PSD3: variants seen among roughly 807,000 people sequenced by gnomAD.
PSD3 encodes the protein pleckstrin and Sec7 domain containing 3, also known as PH and SEC7 domain-containing protein 3.
PSD3 carries 49 observed loss-of-function variants against 105.5 expected under a neutral mutation model. The ratio of observed to expected loss-of-function variants is 0.46; its 90% CI spans 0.37 to 0.59. PSD3 has a LOEUF of 0.59. Among genes scored for constraint, PSD3 ranks in the 20% least tolerant of loss-of-function variants. The probability of loss-of-function intolerance (pLI) is 0.00; values close to 1 mark genes in which losing one functional copy is unlikely to be tolerated. For missense variants in PSD3, 1,561 were observed against 1,263.8 expected, an observed-to-expected ratio of 1.24 and a Z score of -3.57; for synonymous variants, 557 against 457.8, an observed-to-expected ratio of 1.22 and a Z score of -2.77.
At chr8:18,609,971 A>T (rs1020732371) in intron 11 of PSD3, among the ~76,000 whole-genome samples, 1 of 152,222 alleles carries the variant, frequency 6.6e-6, no homozygotes, top group Non-Finnish European at 1.5e-5. Context: ...TCAGCAAGTG[A>T]CAGTATTAAT....
chr8:18,879,074 ACACACACACACACG>A (rs1586309201), intron 2 of PSD3, among the ~76,000 whole-genome samples: 4 of 150,026 alleles, frequency 2.7e-5, no homozygotes, highest in South Asian at 2.2e-4. Context: ...ACACACACAC[ACACACACACACACG>A]CACACACAAC....
chr8:18,762,005 G>A (rs1053593087), intron 9 of PSD3, among the ~76,000 whole-genome samples: 2 of 152,114 alleles, frequency 1.3e-5, no homozygotes, highest in Admixed American at 1.3e-4. Context: ...GAAAGAAGGG[G>A]CAGGAAATGC....
Position 18,529,345 on chromosome 8 carries a change from C to G in PSD3, c.*6398G>C, listed in dbSNP as rs13439489. The G allele has an allele frequency of 6.6e-6, 1 of 152,154 alleles. No homozygotes were observed. The highest frequency in any genetic ancestry group is 2.4e-5 in the African/African-American group (1 of 41,406). The allele number at this position is 152,154 out of a possible 1,614,324, so 9.4% of individuals were successfully genotyped here. On this transcript the variant is annotated 3_prime_UTR_variant, in exon 16 of 16. Transcript: ENST00000327040. The stretch of plus-strand genomic sequence containing the variant: ...AGTTTCCACCCCCTCTGTTCATCAC[C>G]TCTTTAGAATATTCTGGCTCTTTGC...
At chr8:19,066,140 C>G (rs1254027957) in intron 1 of PSD3, among the ~76,000 whole-genome samples, 1 of 152,178 alleles carries the variant, frequency 6.6e-6, no homozygotes, top group Non-Finnish European at 1.5e-5. Context: ...TAAAAGCCAA[C>G]TGGATCTTTA....
chr8:18,768,256 A>T (rs1049982460), intron 8 of PSD3, among the ~76,000 whole-genome samples: 4 of 151,952 alleles, frequency 2.6e-5, no homozygotes, highest in African/African-American at 9.7e-5. Context: ...ACTGCACTCC[A>T]GCCTGAGCGA....
intron 11 of PSD3, among the ~76,000 whole-genome samples, chr8:18,616,626 TTC>T (rs1376932116): frequency 4.7e-5 from 3 of 63,390 alleles, no homozygotes; most frequent in Non-Finnish European, 7.1e-5. Context: ...CTCTTTTCTT[TTC>T]TTTTTTTTTT....
intron 1 of PSD3, among the ~76,000 whole-genome samples, chr8:18,993,896 T>G (rs1825932648): frequency 2.0e-5 from 3 of 152,058 alleles, no homozygotes; most frequent in South Asian, 4.2e-4. Flanking sequence ...AATTTGATTA[T>G]ATCAATCACT....
chr8:18,614,349 C>CA (rs36117504), intron 11 of PSD3, among the ~76,000 whole-genome samples: 23 of 149,578 alleles, frequency 1.5e-4, no homozygotes, highest in Admixed American at 2.7e-4. Flanking sequence ...ATCCCCCCCC[C>CA]AAAAAAATCA....
chr8:18,764,736 T>C (rs1806826389), intron 9 of PSD3, among the ~76,000 whole-genome samples: 1 of 152,186 alleles, frequency 6.6e-6, no homozygotes, highest in Non-Finnish European at 1.5e-5. Flanking sequence ...CCTATACGTG[T>C]ACTGTTTTTT....
At chr8:18,611,630 G>A (rs1805272926) in intron 11 of PSD3, among the ~76,000 whole-genome samples, 4 of 152,110 alleles carry the variant, frequency 2.6e-5, no homozygotes, top group Middle Eastern at 3.4e-3. Flanking sequence ...TAAAGAAAAT[G>A]CATCAAATTT....
At chr8:18,833,741 T>G (rs563571443) in intron 4 of PSD3, among the ~76,000 whole-genome samples, 12 of 151,988 alleles carry the variant, frequency 7.9e-5, no homozygotes, top group Non-Finnish European at 1.8e-4. Context: ...ACAATTATTA[T>G]CCTCATTTTA....
chr8:18,797,272 T>A (rs956549815), intron 8 of PSD3, among the ~76,000 whole-genome samples: 3 of 152,182 alleles, frequency 2.0e-5, no homozygotes, highest in African/African-American at 7.2e-5. Context: ...ACCAAACACA[T>A]GATCCTGAAT....
intron 12 of PSD3, among the ~76,000 whole-genome samples, chr8:18,583,327 G>C (rs966301765): frequency 6.6e-6 from 1 of 152,066 alleles, no homozygotes; most frequent in African/African-American, 2.4e-5. Context: ...TACTCAGGGG[G>C]CTGAAGTTGG....
chr8:18,606,278 T>G (rs1804822015), intron 11 of PSD3, among the ~76,000 whole-genome samples: 1 of 152,212 alleles, frequency 6.6e-6, no homozygotes, highest in Non-Finnish European at 1.5e-5. Context: ...TCTGTACTTG[T>G]GTGCTAAATG....
intron 8 of PSD3, among the ~76,000 whole-genome samples, chr8:18,787,478 A>C (rs1305387533): frequency 6.6e-6 from 1 of 152,168 alleles, no homozygotes; most frequent in Non-Finnish European, 1.5e-5. Flanking sequence ...TCAAATAACA[A>C]AATAGATGAC....
At chr8:18,663,754 TA>T (rs1342089037) in intron 9 of PSD3, among the ~76,000 whole-genome samples, 1 of 152,214 alleles carries the variant, frequency 6.6e-6, no homozygotes, top group Non-Finnish European at 1.5e-5. Flanking sequence ...GTTTTAAGTA[TA>T]GGGATACCTC....
At chr8:18,699,626 T>C (rs1801458325) in intron 9 of PSD3, among the ~76,000 whole-genome samples, 1 of 152,182 alleles carries the variant, frequency 6.6e-6, no homozygotes, top group African/African-American at 2.4e-5. Flanking sequence ...CTGGAATGTC[T>C]GTCATTTCTG....
chr8:18,749,471 C>T (rs555996398), intron 9 of PSD3, among the ~76,000 whole-genome samples: 1 of 152,178 alleles, frequency 6.6e-6, no homozygotes, highest in Non-Finnish European at 1.5e-5. Flanking sequence ...ATGCTGGCCC[C>T]CTAAGAGTCT....
chr8:18,624,151 A>G (rs1408541330), intron 11 of PSD3, among the ~76,000 whole-genome samples: 1 of 152,178 alleles, frequency 6.6e-6, no homozygotes, highest in African/African-American at 2.4e-5. Context: ...TAACTGAGAT[A>G]TAAGAATAAA....
Sources: allele counts gnomAD v4.1 joint callset (sites outside exome capture counted in the v4.1 genomes callset), GRCh38; gene constraint gnomAD v4.1.1; transcripts MANE v1.5; gene names NCBI Gene and HGNC (gene_info 2026-07-23, HGNC 2026-07-21).